Variants in DLC1 observed in about 807,000 individuals in gnomAD.
The protein encoded by DLC1 is DLC1 Rho GTPase activating protein, also known as rho GTPase-activating protein 7.
In DLC1, 54 loss-of-function variants were observed where a neutral mutation model predicts 140.3. The observed-to-expected ratio is 0.38, with a 90% CI of 0.31 to 0.48. The LOEUF is 0.48. Among genes scored for constraint, DLC1 ranks in the 20% least tolerant of loss-of-function variants. DLC1 has a pLI of 0.96. For synonymous variants in DLC1, 986 were observed against 728.1 expected (o/e 1.35, Z -5.70); for missense variants, 2,536 against 1,907.0 (o/e 1.33, Z -6.14).
chr8:13,445,966 A>G, intron 2 of DLC1, among the ~76,000 whole-genome samples: 1 of 152,146 alleles, frequency 6.6e-6, no homozygotes, highest in Non-Finnish European at 1.5e-5. Context: ...GGGGCAAGGG[A>G]ATGGTTTAAG....
At position 13,099,382 on chromosome 8, in the gene DLC1, A is replaced by T; in HGVS notation, c.2955T>A (p.Asp985Glu). ...EEPSEIPERR[D>E]SGVGASLTRS... ...TGGTTAGGGAAGCCCCAACCCCAGA[A>T]TCCCTTCTTTCCGGGATCTCGGAGG... The change falls in exon 9 of 18, where the codon GAT becomes GAA. Residue 985 changes from aspartate to glutamate, a missense_variant. Asp to Glu is a conservative substitution (Grantham distance 45). Transcript: ENST00000276297. 1 of 1,613,416 alleles carries T rather than the reference A, an allele frequency of 6.2e-7. No individual in the cohort carries two copies. Among genetic ancestry groups the T allele is most frequent in the Non-Finnish European group, 8.5e-7 (1 of 1,179,818 alleles).
intron 1 of DLC1, among the ~76,000 whole-genome samples, chr8:13,533,634 C>G (rs899778150): frequency 6.6e-6 from 1 of 152,138 alleles, no homozygotes; most frequent in Non-Finnish European, 1.5e-5. Flanking sequence ...GAATCAAAGT[C>G]ATTTATTTCC....
chr8:13,134,767 T>C (rs767185972), intron 5 of DLC1, among the ~76,000 whole-genome samples: 1 of 151,962 alleles, frequency 6.6e-6, no homozygotes, highest in Non-Finnish European at 1.5e-5. Context: ...GAGACCAGGG[T>C]TGGCAATATA....
chr8:13,240,428 A>G (rs1231052986), intron 5 of DLC1, among the ~76,000 whole-genome samples: 1 of 152,130 alleles, frequency 6.6e-6, no homozygotes, highest in Non-Finnish European at 1.5e-5. Context: ...ACATATATGT[A>G]CATTTTCTTT....
At chr8:13,266,814 G>A (rs1488851820) in intron 5 of DLC1, among the ~76,000 whole-genome samples, 1 of 152,086 alleles carries the variant, frequency 6.6e-6, no homozygotes, top group Non-Finnish European at 1.5e-5. Flanking sequence ...ACAAAAAACT[G>A]TTAGAAACTG....
intron 4 of DLC1, among the ~76,000 whole-genome samples, chr8:13,352,493 C>A (rs184623174): frequency 4.8e-4 from 73 of 152,130 alleles, no homozygotes; most frequent in Middle Eastern, 6.8e-3. Flanking sequence ...GCAGTCCTCC[C>A]ACCTCGGCCT....
chr8:13,090,619 C>T (rs574513655), intron 14 of DLC1, 149 bp from the exon 15 acceptor site: 9 of 784,168 alleles, frequency 1.1e-5, no homozygotes, highest in Admixed American at 5.6e-5. Context: ...TCATGCTGAC[C>T]GCACGTGTTA....
intron 5 of DLC1, among the ~76,000 whole-genome samples, chr8:13,238,955 TC>T (rs1452676294): frequency 2.6e-5 from 4 of 152,124 alleles, no homozygotes; most frequent in African/African-American, 9.7e-5. Flanking sequence ...AAGTGCACAG[TC>T]CCTGGCGTCA....
intron 1 of DLC1, among the ~76,000 whole-genome samples, chr8:13,566,297 C>T (rs1264848478): frequency 6.6e-6 from 1 of 152,074 alleles, no homozygotes; most frequent in African/African-American, 2.4e-5. Flanking sequence ...CAGAGGGGAC[C>T]TGTATGGACA....
intron 2 of DLC1, among the ~76,000 whole-genome samples, chr8:13,473,158 C>A (rs923610402): frequency 1.3e-5 from 2 of 152,068 alleles, no homozygotes; most frequent in African/African-American, 4.8e-5. Flanking sequence ...ATGAGTATAC[C>A]ATCTGCATGG....
chr8:13,417,178 T>A (rs988307675), intron 2 of DLC1, among the ~76,000 whole-genome samples: 1 of 152,122 alleles, frequency 6.6e-6, no homozygotes, highest in Non-Finnish European at 1.5e-5. Context: ...GGGAACAAAC[T>A]GATGGGCACC....
chr8:13,196,369 TCAAA>T (rs576377958), intron 5 of DLC1, among the ~76,000 whole-genome samples: 75 of 152,322 alleles, frequency 4.9e-4, no homozygotes, highest in Non-Finnish European at 9.0e-4. Context: ...CACATTCCTC[TCAAA>T]CAAAACAAGA....
At chr8:13,474,787 C>T (rs1373995430) in intron 2 of DLC1, among the ~76,000 whole-genome samples, 1 of 152,208 alleles carries the variant, frequency 6.6e-6, no homozygotes, top group Non-Finnish European at 1.5e-5. Context: ...CCTGTAGCCC[C>T]TTTGTTTTGG....
chr8:13,094,845 G>C lies in DLC1; in HGVS notation c.3440C>G (p.Ala1147Gly), dbSNP rs1818372686. The C allele has an allele frequency of 1.2e-6, 2 of 1,614,042 alleles. No individual in the cohort carries two copies. Among genetic ancestry groups the C allele is most frequent in the Non-Finnish European group, 1.7e-6 (2 of 1,180,042 alleles). ...TCGAAAATACTGCTTCAGCATGTCT[G>C]CCACGTCATAAGCAGACTGTCCTTC... is the stretch of plus-strand genomic sequence containing the variant. The part of the protein sequence containing the change: ...NYEGQSAYDV[A>G]DMLKQYFRDL... Residue 1147 changes from alanine (A) to glycine (G), a missense_variant, in exon 12 of 18, where the codon GCA (alanine) becomes GGA (glycine). By Grantham distance (60) the Ala-to-Gly change is moderately conservative. Transcript: ENST00000276297.
intron 2 of DLC1, among the ~76,000 whole-genome samples, chr8:13,485,604 T>C (rs533788278): frequency 1.3e-5 from 2 of 152,352 alleles, no homozygotes; most frequent in South Asian, 2.1e-4. Context: ...TGACATCTCC[T>C]GAGTAAATCT....
chr8:13,280,291 A>C (rs1236536874), intron 5 of DLC1, among the ~76,000 whole-genome samples: 432 of 149,332 alleles, frequency 2.9e-3, no homozygotes, highest in Non-Finnish European at 5.2e-3. Context: ...CCATCTCAAA[A>C]AAAAAAAAAA....
At chr8:13,304,684 AAC>A (rs1345354291) in intron 5 of DLC1, 8 of 954,272 alleles carry the variant, frequency 8.4e-6, no homozygotes, top group Non-Finnish European at 1.0e-5. Flanking sequence ...ATTTTTTAAA[AAC>A]ACATAGATCT....
chr8:13,260,106 G>C (rs1171211006), intron 5 of DLC1, among the ~76,000 whole-genome samples: 1 of 152,122 alleles, frequency 6.6e-6, no homozygotes, highest in Non-Finnish European at 1.5e-5. Flanking sequence ...CAAGGAGACA[G>C]GAATGGCTAA....
At chr8:13,182,703 A>G (rs1826112329) in intron 5 of DLC1, among the ~76,000 whole-genome samples, 1 of 152,204 alleles carries the variant, frequency 6.6e-6, no homozygotes, top group Non-Finnish European at 1.5e-5. Context: ...TACCAGTACC[A>G]TGCTGTTTTG....
Sources: gnomAD v4.1 joint callset for allele counts (sites outside exome capture counted in the v4.1 genomes callset) on GRCh38, gnomAD v4.1.1 for gene constraint, MANE v1.5 for transcripts, NCBI Gene and HGNC (gene_info 2026-07-23, HGNC 2026-07-21) for gene names.